The following NID1 variants were observed in gnomAD, a reference collection of about 807,000 sequenced individuals.
The protein encoded by NID1 is nidogen-1.
In NID1, 76 loss-of-function variants were observed where a neutral mutation model predicts 130.6. That is an observed-to-expected ratio of 0.58 (90% CI 0.48 to 0.70). NID1 has a LOEUF of 0.70. Among genes scored for constraint, NID1 ranks in the 30% least tolerant of loss-of-function variants. The probability of loss-of-function intolerance (pLI) is 0.00; values close to 1 mark genes in which losing one functional copy is unlikely to be tolerated. For synonymous variants in NID1, 665 were observed against 675.1 expected, an observed-to-expected ratio of 0.98 and a Z score of 0.23; for missense variants, 1,517 against 1,664.8, an observed-to-expected ratio of 0.91 and a Z score of 1.54.
At position 236,051,352 on chromosome 1, in the gene NID1, GA is replaced by G. The variant is rs987447890; in HGVS notation, c.226-2364del. Among the ~76,000 whole-genome samples, 148 of 150,210 alleles carry G rather than the reference GA, an allele frequency of 9.9e-4. 1 individual carries two copies. Among genetic ancestry groups the G allele is most frequent in the African/African-American group, 3.5e-3 (144 of 40,858 alleles). ...ATTACTAGAGGAGAGTGCAGGGGCA[GA>G]AAAAAAGAGAGGAACTAAAGACCAA... On this transcript the variant is annotated intron_variant, in intron 1 of 19. Transcript: ENST00000264187.
chr1:236,001,857 C>A (rs1212586412), intron 12 of NID1, among the ~76,000 whole-genome samples: 1 of 152,246 alleles, frequency 6.6e-6, no homozygotes, highest in Non-Finnish European at 1.5e-5. Context: ...TTTCATCACA[C>A]CTGTTTCCTG....
chr1:236,047,150 G>A (rs1374533736), intron 2 of NID1, among the ~76,000 whole-genome samples: 1 of 152,096 alleles, frequency 6.6e-6, no homozygotes, highest in Non-Finnish European at 1.5e-5. Flanking sequence ...AGTAGTATTA[G>A]GCAAGTTGCA....
At chr1:235,981,028 A>C (rs754237408) in intron 16 of NID1, among the ~76,000 whole-genome samples, 3 of 152,248 alleles carry the variant, frequency 2.0e-5, no homozygotes, top group Non-Finnish European at 4.4e-5. Context: ...AGACTAGGAC[A>C]AGAAGCAGAT....
At position 236,042,028 on chromosome 1, in the gene NID1, G is replaced by A. The variant is rs776225042; in HGVS notation, c.1017C>T (p.Thr339=). The part of the protein sequence containing the change: ...PSVLSPRRAA[T]ERPLGPPTER... The stretch of plus-strand genomic sequence containing the variant: ...CTGTGGGAGGTCCAAGGGGCCTTTC[G>A]GTAGCTGCCCGGCGCGGGGAGAGGA... The change falls in exon 4 of 20, where the codon ACC becomes ACT. Residue 339 remains threonine (T), a synonymous_variant. Transcript: ENST00000264187. 1.2e-4 allele frequency: 201 copies of A among 1,614,038 alleles called. 2 individuals are homozygous for A. The highest frequency in any genetic ancestry group is 5.1e-4 in the South Asian group (46 of 91,086).
chr1:235,990,692 G>T (rs1657706619), intron 14 of NID1, among the ~76,000 whole-genome samples, 194 bp downstream of exon 14: 1 of 152,252 alleles, frequency 6.6e-6, no homozygotes, highest in African/African-American at 2.4e-5. Flanking sequence ...TATGAATTTG[G>T]CAGGGGAATG....
intron 15 of NID1, among the ~76,000 whole-genome samples, 195 bp downstream of exon 15, chr1:235,985,184 C>A (rs1179144871): frequency 6.9e-6 from 1 of 144,458 alleles, no homozygotes; most frequent in Non-Finnish European, 1.5e-5. Context: ...CAGAGTGAGA[C>A]TCTGTCTCAA....
At chr1:236,040,020 G>A (rs139468624) in intron 4 of NID1, among the ~76,000 whole-genome samples, 72 of 152,290 alleles carry the variant, frequency 4.7e-4, no homozygotes, top group African/African-American at 1.5e-3. Flanking sequence ...CACAATCTGC[G>A]TTCAAATCTA....
At chr1:236,064,586 A>C in intron 1 of NID1, 11 of 414,108 alleles carry the variant, frequency 2.7e-5, no homozygotes, top group East Asian at 5.8e-5. Context: ...CCGGGGAGGA[A>C]GCTCCGCGGG....
rs1422297979 is a variant in NID1 at position 235,980,476 on chromosome 1, A to G, written c.3385+20T>C. 3 of 1,613,668 alleles carry G rather than the reference A, an allele frequency of 1.9e-6. No homozygotes were observed. The highest frequency in any genetic ancestry group is 2.5e-6 in the Non-Finnish European group (3 of 1,179,820). ...TAGGAGATTGAGACCCGCCCTGGAC[A>G]GTGTCCAGCTTTCCATCACCTGCAT... On this transcript the variant is annotated intron_variant, in intron 17 of 19. Coordinates refer to ENST00000264187, the MANE Select transcript of NID1 (RefSeq NM_002508.3).
chr1:236,022,007 T>C (rs946289520), intron 9 of NID1, among the ~76,000 whole-genome samples: 4 of 152,200 alleles, frequency 2.6e-5, no homozygotes, highest in African/African-American at 9.6e-5. Context: ...TCAGTTTTCT[T>C]GTCTACAAGA....
chr1:236,036,661 C>A (rs1341853469), intron 5 of NID1, among the ~76,000 whole-genome samples: 1 of 152,188 alleles, frequency 6.6e-6, no homozygotes, highest in African/African-American at 2.4e-5. Flanking sequence ...CTGATTGGGT[C>A]ATGAGGGCTC....
chr1:236,018,681 G>T (rs942719083), intron 9 of NID1, among the ~76,000 whole-genome samples: 16 of 152,216 alleles, frequency 1.1e-4, no homozygotes, highest in Non-Finnish European at 1.5e-5. Context: ...CCTGAGATGT[G>T]CATGAGGAGG....
At chr1:235,990,236 A>G (rs1023361949) in intron 14 of NID1, among the ~76,000 whole-genome samples, 1 of 152,240 alleles carries the variant, frequency 6.6e-6, no homozygotes. Flanking sequence ...GGAAGAGAAG[A>G]AAAGCTGGAG....
intron 5 of NID1, 113 bp from the exon 6 acceptor site, chr1:236,032,765 G>T: frequency 7.2e-7 from 1 of 1,387,402 alleles, no homozygotes; most frequent in Non-Finnish European, 9.7e-7. Flanking sequence ...AAACAAAACA[G>T]CACTGGGGTC....
chr1:236,002,480 G>A (rs1658102682), intron 12 of NID1, among the ~76,000 whole-genome samples: 1 of 151,830 alleles, frequency 6.6e-6, no homozygotes, highest in Admixed American at 6.6e-5. Context: ...TCCAGTCTGA[G>A]CAACAGAGCG....
chr1:236,034,377 G>A (rs1209075435), intron 5 of NID1, among the ~76,000 whole-genome samples: 2 of 139,870 alleles, frequency 1.4e-5, no homozygotes, highest in African/African-American at 5.6e-5. Flanking sequence ...AGCTGAGATT[G>A]CACCATTGCA....
At chr1:236,039,046 CATTATATATTTAT>C (rs1028774320) in intron 4 of NID1, among the ~76,000 whole-genome samples, 1 of 126,840 alleles carries the variant, frequency 7.9e-6, no homozygotes, top group Non-Finnish European at 1.6e-5. Context: ...TATATATTTA[CATTATATATTTAT>C]ATATACATTA....
At chr1:236,044,329 A>C (rs945689796) in intron 3 of NID1, among the ~76,000 whole-genome samples, 1 of 152,212 alleles carries the variant, frequency 6.6e-6, no homozygotes, top group African/African-American at 2.4e-5. Flanking sequence ...AACAAGTTAT[A>C]TTTTTTAAAA....
chr1:236,061,770 T>G (rs2102854715), intron 1 of NID1, among the ~76,000 whole-genome samples: 1 of 152,046 alleles, frequency 6.6e-6, no homozygotes, highest in Admixed American at 6.5e-5. Context: ...ACCAAAGGAT[T>G]TGAACAGGCA....
Sources: allele counts gnomAD v4.1 joint callset (sites outside exome capture counted in the v4.1 genomes callset), GRCh38; gene constraint gnomAD v4.1.1; transcripts MANE v1.5; gene names NCBI Gene and HGNC (gene_info 2026-07-23, HGNC 2026-07-21).